RBX1: variants seen among roughly 807,000 people sequenced by gnomAD.
The protein encoded by RBX1 is ring-box 1.
For synonymous variants in RBX1, 48 were observed against 47.9 expected (o/e 1.00, Z -0.01); for missense variants, 46 against 141.4 (o/e 0.33, Z 3.42).
intron 3 of RBX1, chr22:40,967,156 C>G (rs1352372892): frequency 4.6e-5 from 7 of 152,178 alleles, no homozygotes; most frequent in Non-Finnish European, 8.8e-5. Flanking sequence ...TTATCTCATT[C>G]CCTAAGACAA....
At chr22:40,951,602 C>G in intron 1 of RBX1, 126 bp downstream of exon 1, 1 of 849,484 alleles carries the variant, frequency 1.2e-6, no homozygotes, top group Non-Finnish European at 1.8e-6. Context: ...CCGGGTACCA[C>G]GAAAGGAAGC....
At chr22:40,964,554 G>C (rs1159845566) in intron 3 of RBX1, 1 of 156,594 alleles carries the variant, frequency 6.4e-6, no homozygotes, top group African/African-American at 2.4e-5. Context: ...TATGTACTGA[G>C]ATAAGATTAT....
At chr22:40,971,743 G>A (rs191115648) in intron 4 of RBX1, among the ~76,000 whole-genome samples, 102 of 152,128 alleles carry the variant, frequency 6.7e-4, no homozygotes, top group African/African-American at 2.4e-3. Context: ...TTTTAGTAGA[G>A]ACGGGGTTTC....
At chr22:40,967,039 C>G (rs754209862) in intron 3 of RBX1, 7 of 152,152 alleles carry the variant, frequency 4.6e-5, no homozygotes, top group Non-Finnish European at 7.3e-5. Flanking sequence ...ATACTCTTGT[C>G]TTTTTACTTC....
At chr22:40,964,288 G>T in intron 3 of RBX1, 171 bp downstream of exon 3, 2 of 510,212 alleles carry the variant, frequency 3.9e-6, no homozygotes, top group Non-Finnish European at 7.0e-6. Flanking sequence ...CCTGTTACAG[G>T]GTAAAAATTA....
At chr22:40,969,193 A>G (rs897895342) in intron 4 of RBX1, among the ~76,000 whole-genome samples, 2 of 151,996 alleles carry the variant, frequency 1.3e-5, no homozygotes, top group Non-Finnish European at 2.9e-5. Flanking sequence ...CATACCTGTA[A>G]TCCCAGCTAC....
intron 3 of RBX1, chr22:40,966,173 TGAG>T (rs2058353820): frequency 6.6e-6 from 1 of 152,232 alleles, no homozygotes; most frequent in African/African-American, 2.4e-5. Context: ...AGGCCTCAAA[TGAG>T]GTAATACATG....
rs777764791 is a variant in RBX1, at chr22:40,972,737, C to G, written c.*249C>G. The G allele has an allele frequency of 9.3e-5, 42 of 449,680 alleles. 1 individual carries two copies. The highest frequency in any genetic ancestry group is 1.6e-4 in the Non-Finnish European group (40 of 245,162). The allele number at this position is 449,680 out of a possible 1,614,324, so 27.9% of individuals were successfully genotyped here. ...GTCTCCCCTTCCAAGGCTGAAAACT[C>G]AGCTTTTGAAAGTGAAATGTTTGTT... On this transcript the variant is annotated 3_prime_UTR_variant, in exon 5 of 5. Coordinates refer to ENST00000216225, the MANE Select transcript of RBX1 (RefSeq NM_014248.4).
At chr22:40,963,015 A>G (rs896236614) in intron 2 of RBX1, among the ~76,000 whole-genome samples, 2 of 147,958 alleles carry the variant, frequency 1.4e-5, no homozygotes, top group Non-Finnish European at 3.0e-5. Context: ...CTAGTTTTTC[A>G]TATTTTTAGT....
At chr22:40,958,685 T>A (rs139034230) in intron 2 of RBX1, among the ~76,000 whole-genome samples, 7 of 152,226 alleles carry the variant, frequency 4.6e-5, no homozygotes, top group Non-Finnish European at 1.0e-4. Context: ...GGTAATCTTA[T>A]TCCTGATGAT....
chr22:40,969,051 C>T (rs1569045928), intron 4 of RBX1, among the ~76,000 whole-genome samples: 3 of 152,040 alleles, frequency 2.0e-5, no homozygotes, highest in African/African-American at 2.4e-5. Context: ...CGGTGGCTCA[C>T]GCCTGTAATC....
chr22:40,956,903 C>T (rs1227081724), intron 2 of RBX1, among the ~76,000 whole-genome samples: 2 of 151,728 alleles, frequency 1.3e-5, no homozygotes, highest in African/African-American at 2.4e-5. Flanking sequence ...GGTGCGATGG[C>T]GGGCGCCTGT....
intron 2 of RBX1, among the ~76,000 whole-genome samples, chr22:40,955,963 C>G (rs1460958983): frequency 1.3e-5 from 2 of 152,130 alleles, no homozygotes; most frequent in African/African-American, 4.8e-5. Context: ...AGTTTCTCGG[C>G]CTTGCATTTT....
intron 3 of RBX1, among the ~76,000 whole-genome samples, chr22:40,964,663 T>C (rs1209724567): frequency 1.3e-5 from 2 of 152,232 alleles, no homozygotes; most frequent in Non-Finnish European, 1.5e-5. Flanking sequence ...AAATATCAAA[T>C]ATGTTAGTTC....
At chr22:40,951,558 G>T in intron 1 of RBX1, 82 bp downstream of exon 1, 1 of 1,353,470 alleles carries the variant, frequency 7.4e-7, no homozygotes, top group Non-Finnish European at 1.0e-6. Context: ...TCGAGGCGCG[G>T]AGTAAAGGGT....
intron 1 of RBX1, among the ~76,000 whole-genome samples, chr22:40,951,686 G>T (rs534014902): frequency 6.6e-6 from 1 of 152,082 alleles, no homozygotes; most frequent in Non-Finnish European, 1.5e-5. Flanking sequence ...TCGCTGTGAG[G>T]CTAAGGGGCC....
intron 2 of RBX1, among the ~76,000 whole-genome samples, chr22:40,957,688 G>C (rs2058329440): frequency 6.6e-6 from 1 of 152,086 alleles, no homozygotes; most frequent in Non-Finnish European, 1.5e-5. Context: ...TTTTGTTAGA[G>C]ACAGGGTCTC....
Position 40,959,533 on chromosome 22 carries a change from G to A in RBX1, c.158-4514G>A, listed in dbSNP as rs535647738. On this transcript the variant is annotated intron_variant, in intron 2 of 4. Transcript: ENST00000216225. ...TTTGTAGTAAAGAATGAATCTGGCC[G>A]GGCTCGGTGGCTCACGCCTATAATC... Among the ~76,000 whole-genome samples, 14 of 152,222 alleles carry A rather than the reference G, an allele frequency of 9.2e-5. No individual in the cohort carries two copies. In the South Asian group the frequency reaches 2.1e-3, roughly 23 times the overall value.
At chr22:40,954,211 G>A (rs1237952722) in intron 2 of RBX1, among the ~76,000 whole-genome samples, 1 of 150,968 alleles carries the variant, frequency 6.6e-6, no homozygotes, top group Non-Finnish European at 1.5e-5. Flanking sequence ...AGAGGTGGCA[G>A]TGAGCCGAGA....
Sources: allele counts gnomAD v4.1 joint callset (sites outside exome capture counted in the v4.1 genomes callset), GRCh38; gene constraint gnomAD v4.1.1; transcripts MANE v1.5; gene names NCBI Gene and HGNC (gene_info 2026-07-23, HGNC 2026-07-21).